CDH13: variants seen among roughly 807,000 people sequenced by gnomAD.
CDH13 encodes the protein cadherin-13.
CDH13 carries 24 observed loss-of-function variants against 63.8 expected under a neutral mutation model. That is an observed-to-expected ratio of 0.38 (90% CI 0.27 to 0.53). CDH13 has a LOEUF of 0.53. Among genes scored for constraint, CDH13 ranks in the 20% least tolerant of loss-of-function variants. The pLI, the probability that CDH13 is intolerant of heterozygous loss-of-function variation, is 0.85. For synonymous variants in CDH13, 503 were observed against 355.3 expected (o/e 1.42, Z -4.67); for missense variants, 1,049 against 903.1 (o/e 1.16, Z -2.07).
chr16:82,639,970 C>T (rs1218903627), intron 1 of CDH13, among the ~76,000 whole-genome samples: 2 of 152,212 alleles, frequency 1.3e-5, no homozygotes, highest in Non-Finnish European at 2.9e-5. Context: ...CAAATATTTA[C>T]TGGGGGAAGA....
intron 1 of CDH13, among the ~76,000 whole-genome samples, chr16:82,716,385 C>T (rs536910686): frequency 6.6e-6 from 1 of 152,048 alleles, no homozygotes; most frequent in South Asian, 2.1e-4. Flanking sequence ...TTAGAGATGG[C>T]TTCAGGTTCT....
chr16:83,743,201 C>G (rs1384654672), intron 10 of CDH13, among the ~76,000 whole-genome samples: 1 of 151,884 alleles, frequency 6.6e-6, no homozygotes, highest in South Asian at 2.1e-4. Context: ...GAGCAAGACT[C>G]CGTCTCAAAA....
chr16:83,493,577 A>G (rs957669614), intron 7 of CDH13, among the ~76,000 whole-genome samples: 1 of 152,174 alleles, frequency 6.6e-6, no homozygotes, highest in Non-Finnish European at 1.5e-5. Flanking sequence ...TGGGGAAAGG[A>G]GTGGCATGGA....
At chr16:83,727,851 C>T (rs532560879) in intron 10 of CDH13, among the ~76,000 whole-genome samples, 13 of 152,022 alleles carry the variant, frequency 8.6e-5, no homozygotes, top group Non-Finnish European at 1.8e-4. Flanking sequence ...TGAACAGGGG[C>T]GTTGGCGGGG....
intron 3 of CDH13, among the ~76,000 whole-genome samples, chr16:83,068,460 G>A (rs1190138891): frequency 2.0e-5 from 3 of 152,092 alleles, no homozygotes; most frequent in Admixed American, 6.6e-5. Flanking sequence ...GACGTTCAGG[G>A]TTTGGCGAAT....
chr16:83,327,892 G>C (rs890939984), intron 5 of CDH13, among the ~76,000 whole-genome samples: 1 of 152,194 alleles, frequency 6.6e-6, no homozygotes, highest in Non-Finnish European at 1.5e-5. Context: ...CAGCACTTTG[G>C]GAGTCCGAAG....
At chr16:82,919,988 C>G (rs553020953) in intron 2 of CDH13, among the ~76,000 whole-genome samples, 1 of 152,154 alleles carries the variant, frequency 6.6e-6, no homozygotes, top group Admixed American at 6.5e-5. Context: ...AGAGTAATAT[C>G]GAGATCAAAA....
At chr16:83,201,484 A>G (rs2039027049) in intron 4 of CDH13, among the ~76,000 whole-genome samples, 1 of 151,870 alleles carries the variant, frequency 6.6e-6, no homozygotes, top group Non-Finnish European at 1.5e-5. Flanking sequence ...GTAATGAGCC[A>G]CAGGAGACCC....
At chr16:83,518,455 G>A (rs1438316462) in intron 7 of CDH13, among the ~76,000 whole-genome samples, 1 of 144,694 alleles carries the variant, frequency 6.9e-6, no homozygotes, top group African/African-American at 2.6e-5. Context: ...AAGATGTGAT[G>A]GGTTTTTTTT....
intron 2 of CDH13, among the ~76,000 whole-genome samples, chr16:82,895,046 A>G (rs2041206467): frequency 6.6e-6 from 1 of 152,158 alleles, no homozygotes. Flanking sequence ...TCTTCCTGTC[A>G]AGGTGAAATT....
At position 82,667,508 on chromosome 16, in the gene CDH13, C is replaced by T. The variant is rs1284586606; in HGVS notation, c.45+40371C>T. The stretch of plus-strand genomic sequence containing the variant: ...CTCAAGGGGCGTTCCTTTCCTTGCA[C>T]CGTAGGATTGTGCATGTATGATGGG... On this transcript the variant is annotated intron_variant, in intron 1 of 13. Transcript: ENST00000567109. 6.6e-5 allele frequency among the ~76,000 whole-genome samples: 10 copies of T among 152,092 alleles called. No homozygotes were observed. In the East Asian group the frequency reaches 1.7e-3, roughly 26 times the overall value.
At chr16:82,927,798 G>A (rs1486815408) in intron 2 of CDH13, among the ~76,000 whole-genome samples, 1 of 152,160 alleles carries the variant, frequency 6.6e-6, no homozygotes, top group Non-Finnish European at 1.5e-5. Flanking sequence ...CTAACACACA[G>A]CCGATCATCA....
At chr16:83,408,581 T>A (rs1567652277) in intron 6 of CDH13, among the ~76,000 whole-genome samples, 2 of 152,348 alleles carry the variant, frequency 1.3e-5, no homozygotes, top group East Asian at 1.9e-4. Context: ...ATGGTATCCC[T>A]GTATAGGAAA....
intron 10 of CDH13, among the ~76,000 whole-genome samples, chr16:83,707,747 C>G (rs1032298918): frequency 7.2e-6 from 1 of 139,608 alleles, no homozygotes; most frequent in African/African-American, 2.7e-5. Context: ...AAATAGAAAG[C>G]GAGAAAGAGG....
chr16:82,788,370 A>G (rs1395372130), intron 1 of CDH13, among the ~76,000 whole-genome samples: 1 of 152,196 alleles, frequency 6.6e-6, no homozygotes, highest in African/African-American at 2.4e-5. Context: ...CCCAAGAGCC[A>G]TGCAGGCCTC....
At chr16:83,552,018 T>C (rs985049165) in intron 7 of CDH13, among the ~76,000 whole-genome samples, 1 of 152,212 alleles carries the variant, frequency 6.6e-6, no homozygotes, top group Non-Finnish European at 1.5e-5. Flanking sequence ...ATGAATGGAA[T>C]AAGTAATTGA....
In CDH13 at chr16:82,674,761, G is replaced by A. The variant is rs566895032; in HGVS notation, c.45+47624G>A. Among the ~76,000 whole-genome samples, 4 of 152,206 alleles carry A rather than the reference G, an allele frequency of 2.6e-5. No homozygotes were observed. The South Asian group carries it at 6.2e-4, about 24-fold the overall frequency. ...TGGGGGCACACTGGAAAGAAAGAAA[G>A]AAAGACAGGAGGAACTAAATTATTT... On this transcript the variant is annotated intron_variant, in intron 1 of 13. Transcript: ENST00000567109.
At chr16:82,823,899 C>G (rs983192116) in intron 1 of CDH13, 23 of 152,024 alleles carry the variant, frequency 1.5e-4, no homozygotes, top group African/African-American at 5.3e-4. Flanking sequence ...TCTCTTTCTA[C>G]TAAAAAGCCC....
intron 1 of CDH13, among the ~76,000 whole-genome samples, chr16:82,668,222 G>T (rs1308672920): frequency 1.3e-5 from 2 of 152,084 alleles, no homozygotes; most frequent in African/African-American, 4.8e-5. Context: ...CTAAGACTTT[G>T]GTTGTTCCCC....
Sources: allele counts gnomAD v4.1 joint callset (sites outside exome capture counted in the v4.1 genomes callset), GRCh38; gene constraint gnomAD v4.1.1; transcripts MANE v1.5; gene names NCBI Gene and HGNC (gene_info 2026-07-23, HGNC 2026-07-21).